CALN1: variants seen among roughly 807,000 people sequenced by gnomAD.
The protein encoded by CALN1 is calneuron 1.
CALN1 carries 17 observed loss-of-function variants against 30.6 expected under a neutral mutation model. That is an observed-to-expected ratio of 0.56 (90% CI 0.38 to 0.83). The LOEUF is 0.83. Among genes scored for constraint, CALN1 ranks in the 40% least tolerant of loss-of-function variants. The probability of loss-of-function intolerance (pLI) is 0.00; values close to 1 mark genes in which losing one functional copy is unlikely to be tolerated. For missense variants in CALN1, 291 were observed against 354.9 expected (o/e 0.82, Z 1.45); for synonymous variants, 156 against 131.4 (o/e 1.19, Z -1.28).
chr7:72,219,398 C>T (rs575649622), intron 3 of CALN1, among the ~76,000 whole-genome samples: 160 of 152,072 alleles, frequency 1.1e-3, no homozygotes, highest in African/African-American at 3.7e-3. Context: ...GCTAATTTTT[C>T]TTTTTATTTT....
chr7:72,368,187 G>C (rs1562926759), intron 2 of CALN1, among the ~76,000 whole-genome samples: 1 of 150,258 alleles, frequency 6.7e-6, no homozygotes, highest in African/African-American at 2.5e-5. Context: ...ATGTGTATCT[G>C]TATATATATA....
intron 2 of CALN1, among the ~76,000 whole-genome samples, chr7:72,304,401 CG>C (rs1191450969): frequency 6.6e-6 from 1 of 152,000 alleles, no homozygotes; most frequent in Non-Finnish European, 1.5e-5. Flanking sequence ...CCAAGGTGTT[CG>C]GGGGCCAGGA....
chr7:72,458,221 T>TTC, the CALN1 span, among the ~76,000 whole-genome samples: 45 of 103,520 alleles, frequency 4.3e-4, no homozygotes, highest in African/African-American at 7.5e-4. Context: ...TTATAATATA[T>TTC]TATATAATAT....
the CALN1 span, among the ~76,000 whole-genome samples, chr7:72,489,060 G>A: frequency 6.5e-3 from 996 of 152,206 alleles, 4 homozygotes; most frequent in Non-Finnish European, 0.011. Flanking sequence ...CAGTTATGTG[G>A]TTCAAGGATT....
chr7:72,390,141 G>C (rs959914296), intron 2 of CALN1, among the ~76,000 whole-genome samples: 1 of 151,902 alleles, frequency 6.6e-6, no homozygotes, highest in Non-Finnish European at 1.5e-5. Flanking sequence ...AGAAATAAGG[G>C]GGATTGGGGC....
intron 5 of CALN1, among the ~76,000 whole-genome samples, chr7:71,830,838 A>T (rs1372540687): frequency 6.6e-6 from 1 of 152,192 alleles, no homozygotes; most frequent in Non-Finnish European, 1.5e-5. Flanking sequence ...AACTCTTTTT[A>T]TTCCCAAATC....
chr7:72,203,975 C>CTTTTTTT (rs1562730767), intron 3 of CALN1, among the ~76,000 whole-genome samples: 4 of 101,590 alleles, frequency 3.9e-5, no homozygotes, highest in African/African-American at 2.1e-4. Flanking sequence ...TAAGAGGCCT[C>CTTTTTTT]TCTCTTTTTT....
intron 5 of CALN1, among the ~76,000 whole-genome samples, chr7:71,909,341 C>T (rs888549180): frequency 6.6e-6 from 1 of 151,948 alleles, no homozygotes; most frequent in Admixed American, 6.6e-5. Flanking sequence ...CTTTATTTGT[C>T]GAATGTATTT....
intron 5 of CALN1, among the ~76,000 whole-genome samples, chr7:71,841,274 C>A (rs1161729554): frequency 7.2e-5 from 11 of 152,224 alleles, no homozygotes; most frequent in Admixed American, 5.2e-4. Context: ...TGCCTCTCTG[C>A]CCTCCCTCTC....
chr7:72,047,365 G>A (rs192746182), intron 4 of CALN1, among the ~76,000 whole-genome samples: 52 of 152,134 alleles, frequency 3.4e-4, no homozygotes, highest in Admixed American at 7.9e-4. Flanking sequence ...TTGGGAGATC[G>A]AGGTGAGAGG....
chr7:72,338,906 T>G (rs1562904387), intron 2 of CALN1, among the ~76,000 whole-genome samples: 1 of 151,600 alleles, frequency 6.6e-6, no homozygotes, highest in East Asian at 1.9e-4. Context: ...CTAACTTGTT[T>G]TTTTTTTTTT....
intron 5 of CALN1, among the ~76,000 whole-genome samples, chr7:71,877,518 T>C (rs1562864832): frequency 6.6e-6 from 1 of 152,142 alleles, no homozygotes. Context: ...ATAGCTTTTT[T>C]CTCTAATTGG....
At chr7:71,885,686 A>G (rs543093733) in intron 5 of CALN1, among the ~76,000 whole-genome samples, 1 of 152,352 alleles carries the variant, frequency 6.6e-6, no homozygotes, top group East Asian at 1.9e-4. Flanking sequence ...GAATGAGCAA[A>G]CAGAATTGCT....
Position 72,106,185 on chromosome 7 carries a change from C to T in CALN1, c.354G>A (p.Glu118=). Residue 118 remains glutamate, a synonymous_variant, in exon 4 of 7, where the codon GAG becomes GAA. Transcript: ENST00000395275. The part of the protein sequence containing the change: ...RSLGYMPSEV[E]LAIIMQRLDM... ...CCAAGCGCTGCATGATGATGGCCAG[C>T]TCCACCTCGCTTGGCATGTACCCCA... is the stretch of plus-strand genomic sequence containing the variant. 2.5e-6 allele frequency: 4 copies of T among 1,614,026 alleles called. No homozygotes were observed. The highest frequency in any genetic ancestry group is 2.5e-6 in the Non-Finnish European group (3 of 1,180,016).
Position 72,203,979 on chromosome 7 carries a change from C to CTA in CALN1, c.244+74706_244+74707insTA, listed in dbSNP as rs59798860. Among the ~76,000 whole-genome samples, 47 of 83,808 alleles carry CTA rather than the reference C, an allele frequency of 5.6e-4. 6 individuals are homozygous for CTA. The highest frequency in any genetic ancestry group is 1.7e-3 in the African/African-American group (33 of 19,130). The allele number at this position is 83,808 out of a possible 152,430, so 55.0% of individuals were successfully genotyped here. On this transcript the variant is annotated intron_variant, in intron 3 of 6. Coordinates refer to ENST00000395275, the MANE Select transcript of CALN1 (RefSeq NM_031468.4). ...TAGCCTTCATATAAGAGGCCTCTCT[C>CTA]TTTTTTTTTTTTTTTTTTTTTTTTT...
At chr7:72,016,766 G>A (rs878985839) in intron 5 of CALN1, among the ~76,000 whole-genome samples, 7 of 151,686 alleles carry the variant, frequency 4.6e-5, no homozygotes, top group Non-Finnish European at 7.4e-5. Flanking sequence ...CTGCCATCAC[G>A]GTGGGACCAG....
intron 4 of CALN1, among the ~76,000 whole-genome samples, chr7:72,034,958 T>C (rs1801702286): frequency 1.3e-5 from 2 of 152,132 alleles, no homozygotes; most frequent in African/African-American, 4.8e-5. Context: ...TATAGTCTGA[T>C]TTCTCTGCAT....
intron 5 of CALN1, among the ~76,000 whole-genome samples, chr7:71,863,961 C>T (rs1033159672): frequency 3.3e-5 from 5 of 152,180 alleles, no homozygotes; most frequent in Non-Finnish European, 1.5e-5. Context: ...AAGCTGAGCT[C>T]TTTAATTCCA....
chr7:72,003,354 T>C (rs1254774231), intron 5 of CALN1, among the ~76,000 whole-genome samples: 2 of 152,086 alleles, frequency 1.3e-5, no homozygotes, highest in African/African-American at 4.8e-5. Context: ...AGGAGAGACA[T>C]ATTGCTTTCA....
Sources: allele counts gnomAD v4.1 joint callset (sites outside exome capture counted in the v4.1 genomes callset), GRCh38; gene constraint gnomAD v4.1.1; transcripts MANE v1.5; gene names NCBI Gene and HGNC (gene_info 2026-07-23, HGNC 2026-07-21).